Variants in KIF16B observed in about 807,000 individuals in gnomAD.
The protein encoded by KIF16B is kinesin family member 16B, also known as kinesin-like protein KIF16B.
Under a neutral mutation model 156.3 loss-of-function variants are expected in KIF16B, and 98 were observed. The ratio of observed to expected loss-of-function variants is 0.63; its 90% CI spans 0.53 to 0.74. The LOEUF (loss-of-function observed/expected upper bound fraction) is 0.74, where lower values mean the gene tolerates loss of function less well. Among genes scored for constraint, KIF16B ranks in the 30% least tolerant of loss-of-function variants. The pLI is 0.00. For synonymous variants in KIF16B, 564 were observed against 583.7 expected, an observed-to-expected ratio of 0.97 and a Z score of 0.49; for missense variants, 1,421 against 1,606.5, an observed-to-expected ratio of 0.88 and a Z score of 1.97.
At chr20:16,520,371 G>A (rs997015093) in intron 3 of KIF16B, among the ~76,000 whole-genome samples, 9 of 152,108 alleles carry the variant, frequency 5.9e-5, no homozygotes, top group African/African-American at 1.2e-4. Context: ...ACTGAGACTC[G>A]AGTGGGTGGT....
chr20:16,395,776 T>G (rs2065485578), intron 17 of KIF16B, among the ~76,000 whole-genome samples: 1 of 152,096 alleles, frequency 6.6e-6, no homozygotes, highest in Non-Finnish European at 1.5e-5. Context: ...GAATACAGCC[T>G]AGAACTGTGT....
At chr20:16,473,559 T>C (rs540496142) in intron 12 of KIF16B, among the ~76,000 whole-genome samples, 21 of 152,260 alleles carry the variant, frequency 1.4e-4, no homozygotes, top group African/African-American at 4.6e-4. Context: ...GAAATGCTAG[T>C]ATAGGAAGGA....
intron 25 of KIF16B, among the ~76,000 whole-genome samples, chr20:16,297,475 G>A (rs991342512): frequency 2.6e-5 from 4 of 152,118 alleles, no homozygotes; most frequent in South Asian, 2.1e-4. Flanking sequence ...GGCACATCAC[G>A]AGGTCAGGAG....
intron 25 of KIF16B, among the ~76,000 whole-genome samples, chr20:16,295,034 A>G (rs116154262): frequency 0.02 from 3,016 of 152,336 alleles, 99 homozygotes; most frequent in African/African-American, 0.068. Flanking sequence ...AGGATAAACA[A>G]GCAGTTTTAG....
At chr20:16,504,673 C>T in intron 9 of KIF16B, 126 bp from the exon 10 acceptor site, 1 of 675,642 alleles carries the variant, frequency 1.5e-6, no homozygotes, top group Non-Finnish European at 2.5e-6. Flanking sequence ...TTCATTGCCA[C>T]AGTAATGAAT....
rs1226201007 is a variant in KIF16B at position 16,558,302 on chromosome 20, C to T, written c.47+14927G>A. 2.6e-5 allele frequency among the ~76,000 whole-genome samples: 4 copies of T among 152,206 alleles called. No homozygotes were observed. The South Asian group carries it at 8.3e-4, about 31-fold the overall frequency. ...ATAGAATTGTTACTGGAACGTGGCT[C>T]CTAGCCAGTAACAACAGGTTCCCAG... On this transcript the variant is annotated intron_variant, in intron 1 of 25. Coordinates refer to ENST00000354981, the MANE Select transcript of KIF16B (RefSeq NM_024704.5).
intron 12 of KIF16B, among the ~76,000 whole-genome samples, chr20:16,469,282 G>T (rs928332382): frequency 3.4e-5 from 4 of 115,954 alleles, no homozygotes; most frequent in African/African-American, 1.2e-4. Context: ...AAAAAAAAAT[G>T]GTCTCCTTTC....
intron 1 of KIF16B, among the ~76,000 whole-genome samples, chr20:16,542,843 C>A (rs1439568534): frequency 6.6e-6 from 1 of 152,150 alleles, no homozygotes; most frequent in East Asian, 1.9e-4. Context: ...GTTTTGTGTA[C>A]AGGGGAGTGG....
chr20:16,553,831 CA>C (rs2070750238), intron 1 of KIF16B, among the ~76,000 whole-genome samples: 1 of 40,548 alleles, frequency 2.5e-5, no homozygotes, highest in Non-Finnish European at 6.0e-5. Context: ...GAGCCAGGAG[CA>C]GACAGGAGCA....
intron 23 of KIF16B, among the ~76,000 whole-genome samples, chr20:16,350,587 C>T (rs1568873900): frequency 6.6e-6 from 1 of 151,908 alleles, no homozygotes; most frequent in African/African-American, 2.4e-5. Context: ...TGCTTGGACT[C>T]GGACACAATC....
intron 15 of KIF16B, 143 bp from the exon 16 acceptor site, chr20:16,406,599 C>T: frequency 1.3e-6 from 1 of 746,330 alleles, no homozygotes; most frequent in Non-Finnish European, 2.2e-6. Context: ...CAAAAGTCTG[C>T]TTACTTAAGA....
intron 1 of KIF16B, among the ~76,000 whole-genome samples, chr20:16,531,132 T>C (rs1470450231): frequency 1.3e-5 from 2 of 152,104 alleles, no homozygotes; most frequent in Admixed American, 6.6e-5. Flanking sequence ...AGTTGAGAAA[T>C]CTGGACAGCA....
rs778442592 is a variant in KIF16B, at chr20:16,371,776, A to G, written c.3351-15T>C. On this transcript the variant is annotated splice_polypyrimidine_tract_variant and intron_variant, in intron 20 of 25. Coordinates refer to ENST00000354981, the MANE Select transcript of KIF16B (RefSeq NM_024704.5). The stretch of plus-strand genomic sequence containing the variant: ...AAGCATTGATCCTGTAACACAATGG[A>G]GATGGAGTAGATCTGACACTTCTAA... 1 of 1,554,556 alleles carries G rather than the reference A, an allele frequency of 6.4e-7. No individual in the cohort carries two copies. Among genetic ancestry groups the G allele is most frequent in the Non-Finnish European group, 8.9e-7 (1 of 1,126,360 alleles).
chr20:16,352,897 C>T (rs940450486), intron 23 of KIF16B, among the ~76,000 whole-genome samples: 1 of 152,200 alleles, frequency 6.6e-6, no homozygotes, highest in South Asian at 2.1e-4. Flanking sequence ...GTGACACCAG[C>T]AAGCTATACA....
Position 16,515,598 on chromosome 20 carries a change from CAA to C in KIF16B, c.296_297del (p.Phe99CysfsTer28). On this transcript the variant is annotated frameshift_variant, in exon 4 of 26. Transcript: ENST00000354981. LOFTEE classifies it high-confidence loss of function. ...TTTCCAGATCCAGTTTGCCCATATG[CAA>C]AGACACAAGCATTATAACCTTCAAA... is the stretch of plus-strand genomic sequence containing the variant. ...SAFEGYNACV[F>X]AYGQTGSGKS... The C allele has an allele frequency of 6.2e-7, 1 of 1,613,400 alleles. No homozygotes were observed. The highest frequency in any genetic ancestry group is 8.5e-7 in the Non-Finnish European group (1 of 1,179,566).
At chr20:16,553,886 T>C (rs1187379815) in intron 1 of KIF16B, among the ~76,000 whole-genome samples, 1 of 152,162 alleles carries the variant, frequency 6.6e-6, no homozygotes, top group Non-Finnish European at 1.5e-5. Context: ...AGTCCTGCAC[T>C]GTCGCAGCCC....
chr20:16,512,985 T>C, intron 4 of KIF16B, 62 bp from the exon 5 acceptor site: 1 of 1,277,054 alleles, frequency 7.8e-7, no homozygotes, highest in Non-Finnish European at 1.1e-6. Context: ...ATGACTGAAT[T>C]TGCAATTTGC....
chr20:16,334,783 T>C (rs2064006937), intron 24 of KIF16B, among the ~76,000 whole-genome samples: 1 of 152,128 alleles, frequency 6.6e-6, no homozygotes, highest in South Asian at 2.1e-4. Context: ...CCCTTCATAT[T>C]CCACCATGAT....
At chr20:16,552,353 C>T (rs1049092472) in intron 1 of KIF16B, among the ~76,000 whole-genome samples, 14 of 152,250 alleles carry the variant, frequency 9.2e-5, no homozygotes, top group Admixed American at 5.2e-4. Flanking sequence ...AGCCAGAGAA[C>T]TCAAACTGCT....
Sources: gnomAD v4.1 joint callset for allele counts (sites outside exome capture counted in the v4.1 genomes callset) on GRCh38, gnomAD v4.1.1 for gene constraint, MANE v1.5 for transcripts, NCBI Gene and HGNC (gene_info 2026-07-23, HGNC 2026-07-21) for gene names.